Variants in TLN2 observed in about 807,000 individuals in gnomAD.
TLN2 encodes the protein talin-2.
TLN2 carries 118 observed loss-of-function variants against 294.7 expected under a neutral mutation model. That is an observed-to-expected ratio of 0.40 (90% confidence interval 0.34 to 0.47). The LOEUF is 0.47. TLN2 is among the 20% of genes least tolerant of loss of function. The probability of loss-of-function intolerance (pLI) is 0.84; values close to 1 mark genes in which losing one functional copy is unlikely to be tolerated. For missense variants in TLN2, 3,083 were observed against 3,282.2 expected (o/e 0.94, Z 1.48); for synonymous variants, 1,431 against 1,304.5 (o/e 1.10, Z -2.09).
chr15:62,441,056 C>T lies in TLN2; in HGVS notation c.-238+50371C>T, dbSNP rs16945034. ...ACTTCACATTCATGCTCTGGGACAG[C>T]GTTTCCTGATGAAGCTCATTTCCTA... On this transcript the variant is annotated intron_variant, in intron 1 of 58. Coordinates refer to ENST00000636159, the MANE Select transcript of TLN2 (RefSeq NM_015059.3). Among the ~76,000 whole-genome samples the T allele has an allele frequency of 5.8e-3, 884 of 152,246 alleles. 11 individuals carry two copies. Among genetic ancestry groups the T allele is most frequent in the African/African-American group, 0.021 (853 of 41,532 alleles).
intron 12 of TLN2, among the ~76,000 whole-genome samples, chr15:62,691,870 C>G (rs1210253185): frequency 6.6e-6 from 1 of 152,056 alleles, no homozygotes; most frequent in African/African-American, 2.4e-5. Context: ...GGTGAAGTCT[C>G]ACCATGTTGC....
chr15:62,465,064 A>C (rs1032915011), intron 1 of TLN2, among the ~76,000 whole-genome samples: 1 of 144,098 alleles, frequency 6.9e-6, no homozygotes, highest in African/African-American at 2.6e-5. Context: ...CATTTGCTCT[A>C]ATGGATAATG....
chr15:62,758,116 T>G (rs966261893), intron 37 of TLN2, among the ~76,000 whole-genome samples: 1 of 152,158 alleles, frequency 6.6e-6, no homozygotes, highest in Non-Finnish European at 1.5e-5. Flanking sequence ...CATGAGGATG[T>G]GCCCAAGCCT....
At chr15:62,836,374 G>A (rs1010565028) in intron 57 of TLN2, among the ~76,000 whole-genome samples, 1 of 152,186 alleles carries the variant, frequency 6.6e-6, no homozygotes, top group Non-Finnish European at 1.5e-5. Context: ...TGACTCCCAG[G>A]GTTTGGGCAG....
intron 24 of TLN2, 68 bp downstream of exon 24, chr15:62,717,757 C>A: frequency 8.8e-7 from 1 of 1,137,348 alleles, no homozygotes; most frequent in Non-Finnish European, 1.2e-6. Context: ...AACACCAAGT[C>A]CCCTGGTAGT....
intron 9 of TLN2, among the ~76,000 whole-genome samples, chr15:62,671,027 G>A (rs2055343028): frequency 6.6e-6 from 1 of 152,082 alleles, no homozygotes; most frequent in Admixed American, 6.5e-5. Context: ...GCATTTCCCT[G>A]GTGGCTAATA....
chr15:62,566,137 A>G (rs150227169), intron 1 of TLN2, among the ~76,000 whole-genome samples: 2 of 152,226 alleles, frequency 1.3e-5, no homozygotes, highest in Non-Finnish European at 2.9e-5. Flanking sequence ...TAGACTAGGT[A>G]TGCGTTATAT....
chr15:62,716,610 T>A (rs2059788896), intron 23 of TLN2, 151 bp downstream of exon 23: 2 of 1,080,822 alleles, frequency 1.9e-6, no homozygotes. Flanking sequence ...TATAAAAGCA[T>A]TGACTCAATT....
chr15:62,464,714 C>G (rs966879350), intron 1 of TLN2, among the ~76,000 whole-genome samples: 1 of 151,996 alleles, frequency 6.6e-6, no homozygotes, highest in African/African-American at 2.4e-5. Context: ...TGATGGATCA[C>G]TTTTATTCTT....
At chr15:62,454,067 G>T (rs1439160202) in intron 1 of TLN2, among the ~76,000 whole-genome samples, 1 of 152,214 alleles carries the variant, frequency 6.6e-6, no homozygotes, top group Non-Finnish European at 1.5e-5. Flanking sequence ...GAGGAGACGG[G>T]CACACGCTAT....
At chr15:62,486,331 C>G (rs2038389860) in intron 1 of TLN2, among the ~76,000 whole-genome samples, 1 of 152,050 alleles carries the variant, frequency 6.6e-6, no homozygotes, top group Non-Finnish European at 1.5e-5. Context: ...TTTGCCACTT[C>G]ACACAATAAT....
chr15:62,461,305 G>A (rs1566992482), intron 1 of TLN2, among the ~76,000 whole-genome samples: 1 of 151,384 alleles, frequency 6.6e-6, no homozygotes, highest in African/African-American at 2.5e-5. Flanking sequence ...CTTGTTTCTG[G>A]TTTTGTTCAG....
At chr15:62,504,957 T>C (rs1455448070) in intron 1 of TLN2, among the ~76,000 whole-genome samples, 1 of 151,742 alleles carries the variant, frequency 6.6e-6, no homozygotes, top group East Asian at 1.9e-4. Flanking sequence ...ATGTTTTTGT[T>C]GTTGTTGTTG....
intron 5 of TLN2, 31 bp from the exon 6 acceptor site, chr15:62,651,974 G>T (rs747464452): frequency 3.9e-6 from 6 of 1,548,114 alleles, no homozygotes; most frequent in South Asian, 1.3e-5. Flanking sequence ...TCCCCACACA[G>T]TGTGAAATTT....
At chr15:62,771,252 TC>T in intron 42 of TLN2, 118 bp downstream of exon 42, 2 of 1,165,736 alleles carry the variant, frequency 1.7e-6, no homozygotes, top group Non-Finnish European at 2.3e-6. Context: ...GCATTTGAGC[TC>T]CCACTCTGAG....
intron 45 of TLN2, chr15:62,784,488 C>G (rs1157147333): frequency 6.6e-6 from 1 of 152,408 alleles, no homozygotes; most frequent in African/African-American, 2.4e-5. Flanking sequence ...AATGCCTGTA[C>G]CCGTAAGAGT....
intron 1 of TLN2, among the ~76,000 whole-genome samples, chr15:62,451,680 C>T (rs929363803): frequency 5.3e-5 from 8 of 152,162 alleles, no homozygotes; most frequent in African/African-American, 1.9e-4. Flanking sequence ...GGAATTGGCT[C>T]CACAACCCTG....
chr15:62,697,877 TC>T lies in TLN2; in HGVS notation c.1473+11del. 1 of 1,610,226 alleles carries T rather than the reference TC, an allele frequency of 6.2e-7. No individual in the cohort carries two copies. Among genetic ancestry groups the T allele is most frequent in the South Asian group, 1.1e-5 (1 of 90,896 alleles). ...GCCACATGCCGCCACTGGTGAGGCTTCCTGTGCTCGTCCCCCACTCGTTAGT... is the reference window on the plus strand; with the variant it reads ...GCCACATGCCGCCACTGGTGAGGCTTCTGTGCTCGTCCCCCACTCGTTAGT... On this transcript the variant is annotated intron_variant, in intron 15 of 58. Transcript: ENST00000636159.
At chr15:62,714,198 T>G (rs1051690339) in intron 22 of TLN2, among the ~76,000 whole-genome samples, 1 of 85,434 alleles carries the variant, frequency 1.2e-5, no homozygotes, top group Non-Finnish European at 2.4e-5. Flanking sequence ...CGTTTTTTTT[T>G]TTTTTTTTTT....
Sources: allele counts gnomAD v4.1 joint callset (sites outside exome capture counted in the v4.1 genomes callset), GRCh38; gene constraint gnomAD v4.1.1; transcripts MANE v1.5; gene names NCBI Gene and HGNC (gene_info 2026-07-23, HGNC 2026-07-21).